Variants in BCAN observed in about 807,000 individuals in gnomAD.
The protein encoded by BCAN is brevican.
Under a neutral mutation model 92.4 loss-of-function variants are expected in BCAN, and 51 were observed. The observed-to-expected ratio is 0.55, with a 90% CI of 0.44 to 0.70. The LOEUF (loss-of-function observed/expected upper bound fraction) is 0.70, where lower values mean the gene tolerates loss of function less well. Ranked by LOEUF, BCAN falls within the 30% of genes least tolerant of loss-of-function variation. The pLI is 0.00. For synonymous variants in BCAN, 501 were observed against 505.2 expected, an observed-to-expected ratio of 0.99 and a Z score of 0.11; for missense variants, 1,140 against 1,212.1, an observed-to-expected ratio of 0.94 and a Z score of 0.88.
rs1304775337 is a variant in BCAN at position 156,647,208 on chromosome 1, G to C, written c.466+33G>C. 3 of 1,473,554 alleles carry C rather than the reference G, an allele frequency of 2.0e-6. No homozygotes were observed. Among genetic ancestry groups the C allele is most frequent in the East Asian group, 2.4e-5 (1 of 42,052 alleles). 91.3% of individuals were successfully genotyped at this position (1,473,554 alleles called of 1,614,324 possible). A position where few individuals can be genotyped will look rare whatever the true frequency, so the allele number is the denominator to read the frequency against. Reference sequence around the variant, plus strand: ...GGCAGGGAGGTTCCAGAGGGAGGGAGGGAGGGAGGGAAGGGAGGACTCTTG... The same window carrying C: ...GGCAGGGAGGTTCCAGAGGGAGGGACGGAGGGAGGGAAGGGAGGACTCTTG... On this transcript the variant is annotated intron_variant, in intron 3 of 13. Transcript: ENST00000329117. The surrounding 1 kb of genome is among the most constrained non-coding windows in gnomAD (Gnocchi z 4.8).
chr1:156,657,646 G>A lies in BCAN; in HGVS notation c.2210-29G>A, dbSNP rs1026605563. On this transcript the variant is annotated intron_variant, in intron 10 of 13. Transcript: ENST00000329117. ...GAACGGCCGCCATCTGCTGGCGGCT[G>A]CGCTCACTGCACGCCTTCGTCTCCC... The A allele has an allele frequency of 8.9e-6, 14 of 1,581,108 alleles. No homozygotes were observed. The South Asian group carries it at 1.4e-4, about 15-fold the overall frequency.
intron 8 of BCAN, among the ~76,000 whole-genome samples, chr1:156,653,839 G>A (rs991908627): frequency 6.6e-6 from 1 of 152,124 alleles, no homozygotes; most frequent in African/African-American, 2.4e-5. Context: ...AGCCCGGAGT[G>A]CATGTGTTGT....
chr1:156,657,889 T>G, intron 11 of BCAN, 132 bp downstream of exon 11: 2 of 839,160 alleles, frequency 2.4e-6, no homozygotes, highest in Non-Finnish European at 3.6e-6. Flanking sequence ...GCCCTGTGCC[T>G]CTTCTCCCTG....
intron 8 of BCAN, among the ~76,000 whole-genome samples, chr1:156,654,618 G>A (rs1300816214): frequency 6.6e-6 from 1 of 152,236 alleles, no homozygotes; most frequent in African/African-American, 2.4e-5. Flanking sequence ...CACAGCCAGG[G>A]GGAGGGGCCT....
At position 156,658,003 on chromosome 1, in the gene BCAN, AC is replaced by A. The variant is rs796145894; in HGVS notation, c.2293-119del. On this transcript the variant is annotated intron_variant, in intron 11 of 13. Transcript: ENST00000329117. This position sits in a 1 kb window ranked among gnomAD's most constrained non-coding sequence, Gnocchi z 4.4. ...TTTCCCCTTCCCCGGGAGATCCCCT[AC>A]CCCCTAGCCCTAACCTTCCCTCTCC... 9 of 1,150,414 alleles carry A rather than the reference AC, an allele frequency of 7.8e-6. No individual in the cohort carries two copies. In the African/African-American group the frequency reaches 1.4e-4, roughly 18 times the overall value. The allele number at this position is 1,150,414 out of a possible 1,614,324, so 71.3% of individuals were successfully genotyped here.
chr1:156,656,310 T>C lies in BCAN; in HGVS notation c.1971T>C (p.Asn657=), dbSNP rs567069667. ...SGDCVPSPCH[N]GGTCLEEEEG... ...ACTGTGTCCCCAGCCCCTGCCACAA[T>C]GGTGGGACATGCTTGGAGGAGGAGG... The change falls in exon 9 of 14, where the codon AAT becomes AAC. Residue 657 remains asparagine (N), a synonymous_variant. Transcript: ENST00000329117. 12 of 1,449,012 alleles carry C rather than the reference T, an allele frequency of 8.3e-6. No individual in the cohort carries two copies. The South Asian group carries it at 1.7e-4, about 21-fold the overall frequency. 89.8% of individuals were successfully genotyped at this position (1,449,012 alleles called of 1,614,324 possible).
At chr1:156,650,929 G>A (rs777234683) in intron 6 of BCAN, among the ~76,000 whole-genome samples, 1 of 152,152 alleles carries the variant, frequency 6.6e-6, no homozygotes, top group Non-Finnish European at 1.5e-5. Flanking sequence ...GGTGACAGAA[G>A]GAGACTCTGT....
intron 2 of BCAN, 101 bp from the exon 3 acceptor site, chr1:156,646,700 T>A: frequency 1.4e-6 from 2 of 1,477,910 alleles, no homozygotes; most frequent in African/African-American, 2.9e-5. Flanking sequence ...CGGGGAATCC[T>A]GGGGCCGGAA....
intron 6 of BCAN, chr1:156,649,832 G>C (rs1005179445): frequency 1.9e-6 from 1 of 517,930 alleles, no homozygotes; most frequent in African/African-American, 1.9e-5. Context: ...TCCTTCCCCA[G>C]TTTTAAGCCT....
chr1:156,649,156 T>C (rs1679081348), intron 6 of BCAN, among the ~76,000 whole-genome samples: 1 of 152,200 alleles, frequency 6.6e-6, no homozygotes, highest in African/African-American at 2.4e-5. Flanking sequence ...AGCTCCCATC[T>C]CCTGTCAGCT....
At chr1:156,646,620 T>A in intron 2 of BCAN, 181 bp from the exon 3 acceptor site, 1 of 1,045,442 alleles carries the variant, frequency 9.6e-7, no homozygotes, top group Non-Finnish European at 1.3e-6. Context: ...GTCGGGGTGG[T>A]CCTGGAGGAC....
Position 156,658,597 on chromosome 1 carries a change from G to C in BCAN, c.2492G>C (p.Arg831Pro). ...LPLAQVFGRP[R>P]LRYEVDTVLR... is the part of the protein sequence containing the mutation. ...CTGGCTCAAGTGTTCGGCCGCCCACGGCTGCGCTATGAGGTGGACACTGTG... is the reference window on the plus strand; with the variant it reads ...CTGGCTCAAGTGTTCGGCCGCCCACCGCTGCGCTATGAGGTGGACACTGTG... The change falls in exon 13 of 14, where the codon CGG (arginine) becomes CCG (proline). Residue 831 changes from arginine to proline, a missense_variant. Physicochemically the swap from Arg to Pro is moderately radical, Grantham distance 103. Coordinates refer to ENST00000329117, the MANE Select transcript of BCAN (RefSeq NM_021948.5). This position sits in a 1 kb window ranked among gnomAD's most constrained non-coding sequence, Gnocchi z 4.4. The C allele has an allele frequency of 6.2e-7, 1 of 1,614,060 alleles. No individual in the cohort carries two copies. The highest frequency in any genetic ancestry group is 1.1e-5 in the South Asian group (1 of 91,084).
chr1:156,652,716 AG>A lies in BCAN; in HGVS notation c.1769del (p.Gly590ValfsTer266). 1 of 1,604,972 alleles carries A rather than the reference AG, an allele frequency of 6.2e-7. No homozygotes were observed. The highest frequency in any genetic ancestry group is 8.5e-7 in the Non-Finnish European group (1 of 1,174,056). ...GAGAGCGAGGAGACAGGAAGCTCCG[AG>A]GGTGCCCCTTCCCTGCTTCCAGCCA... ...RGESEETGSS[E>X]GAPSLLPATR... On this transcript the variant is annotated frameshift_variant, in exon 8 of 14. Transcript: ENST00000329117. LOFTEE classifies it high-confidence loss of function.
In BCAN at chr1:156,658,024, C is replaced by T; in HGVS notation, c.2293-103C>T. The T allele has an allele frequency of 1.4e-6, 2 of 1,406,030 alleles. No individual in the cohort carries two copies. Among genetic ancestry groups the T allele is most frequent in the Non-Finnish European group, 1.9e-6 (2 of 1,028,036 alleles). The allele number at this position is 1,406,030 out of a possible 1,614,324, so 87.1% of individuals were successfully genotyped here. ...CCCTACCCCCTAGCCCTAACCTTCCCTCTCCTGGGGCCCCGCTCACCAGCC... is the reference window on the plus strand; with the variant it reads ...CCCTACCCCCTAGCCCTAACCTTCCTTCTCCTGGGGCCCCGCTCACCAGCC... On this transcript the variant is annotated intron_variant, in intron 11 of 13. Coordinates refer to ENST00000329117, the MANE Select transcript of BCAN (RefSeq NM_021948.5). This position sits in a 1 kb window ranked among gnomAD's most constrained non-coding sequence, Gnocchi z 4.4.
intron 6 of BCAN, chr1:156,649,921 A>G: frequency 1.9e-6 from 1 of 519,060 alleles, no homozygotes; most frequent in Non-Finnish European, 3.8e-6. Flanking sequence ...CTTGGTCTGA[A>G]GGATGAAGAC....
intron 6 of BCAN, among the ~76,000 whole-genome samples, chr1:156,650,473 C>T (rs1405806654): frequency 6.6e-6 from 1 of 152,170 alleles, no homozygotes; most frequent in African/African-American, 2.4e-5. Context: ...GGCTCCCTTC[C>T]CCAGAGGACA....
intron 6 of BCAN, 85 bp from the exon 7 acceptor site, chr1:156,651,371 T>G (rs1679157794): frequency 1.3e-5 from 16 of 1,237,730 alleles, no homozygotes; most frequent in Middle Eastern, 2.0e-4. Context: ...GTGAGAGAAT[T>G]GAGAGAATTC....
chr1:156,651,979 C>T (rs1679179780), intron 7 of BCAN, among the ~76,000 whole-genome samples: 1 of 152,194 alleles, frequency 6.6e-6, no homozygotes, highest in Non-Finnish European at 1.5e-5. Context: ...CCAAAACAGA[C>T]TAGAGTTTTG....
In BCAN at chr1:156,658,547, C is replaced by T; in HGVS notation, c.2442C>T (p.Ser814=). Residue 814 remains serine (S), a synonymous_variant, in exon 13 of 14, where the codon TCC becomes TCT. Coordinates refer to ENST00000329117, the MANE Select transcript of BCAN (RefSeq NM_021948.5). This position sits in a 1 kb window ranked among gnomAD's most constrained non-coding sequence, Gnocchi z 4.4. ...LSYTCKMGLV[S]CGPPPELPLA... ...CCTAACTGTCTTCCTTTGCAGTGTCCTGTGGGCCGCCACCGGAGCTGCCCC... is the reference window on the plus strand; with the variant it reads ...CCTAACTGTCTTCCTTTGCAGTGTCTTGTGGGCCGCCACCGGAGCTGCCCC... 6.2e-7 allele frequency: 1 copy of T among 1,613,482 alleles called. No homozygotes were observed. The highest frequency in any genetic ancestry group is 1.1e-5 in the South Asian group (1 of 91,026).
Sources: gnomAD v4.1 joint callset for allele counts (sites outside exome capture counted in the v4.1 genomes callset) on GRCh38, gnomAD v4.1.1 for gene constraint, Gnocchi (gnomAD v3.1) non-coding constraint, MANE v1.5 for transcripts, NCBI Gene and HGNC (gene_info 2026-07-23, HGNC 2026-07-21) for gene names.